SARDH: variants seen among roughly 807,000 people sequenced by gnomAD.
SARDH encodes the protein sarcosine dehydrogenase, mitochondrial.
A neutral mutation model predicts 109.1 loss-of-function variants in SARDH; 95 were observed. The observed-to-expected ratio is 0.87, with a 90% CI of 0.74 to 1.03. The LOEUF (loss-of-function observed/expected upper bound fraction) is 1.03. Ranked by LOEUF, SARDH falls within the 50% of genes least tolerant of loss-of-function variation. The pLI is 0.00. For missense variants in SARDH, 1,267 were observed against 1,287.8 expected (o/e 0.98, Z 0.25); for synonymous variants, 572 against 534.8 (o/e 1.07, Z -0.96).
At chr9:133,674,187 G>T (rs1433959363) in intron 17 of SARDH, among the ~76,000 whole-genome samples, 1 of 152,234 alleles carries the variant, frequency 6.6e-6, no homozygotes, top group Non-Finnish European at 1.5e-5. Context: ...GACCCACAAG[G>T]AAAGGGACAG....
Position 133,702,912 on chromosome 9 carries a change from G to A in SARDH, c.1668+4C>T. The A allele has an allele frequency of 3.1e-6, 5 of 1,610,010 alleles. No homozygotes were observed. Among genetic ancestry groups the A allele is most frequent in the Admixed American group, 1.7e-5 (1 of 60,006 alleles). ...GACCCCCACGGTGGACCCCAGCTAC[G>A]CACCGTGTCGTGGTGGGGCGGGAAG... On this transcript the variant is annotated splice_donor_region_variant and intron_variant, in intron 13 of 20. Transcript: ENST00000439388.
chr9:133,713,405 T>G (rs971199271), intron 8 of SARDH, among the ~76,000 whole-genome samples: 1 of 152,178 alleles, frequency 6.6e-6, no homozygotes, highest in African/African-American at 2.4e-5. Context: ...GCCGTTGTCC[T>G]GCCGACAAGG....
intron 13 of SARDH, 67 bp downstream of exon 13, chr9:133,702,849 C>G: frequency 6.9e-7 from 1 of 1,457,676 alleles, no homozygotes; most frequent in Non-Finnish European, 9.5e-7. Context: ...AGCCGAGGGC[C>G]GGCGCAATGG....
rs1191178313 is a variant in SARDH at position 133,685,358 on chromosome 9, G to T, written c.2070-72C>A. 2.4e-6 allele frequency: 3 copies of T among 1,242,044 alleles called. No homozygotes were observed. In the East Asian group the frequency reaches 7.3e-5, roughly 30 times the overall value. The allele number at this position is 1,242,044 out of a possible 1,614,324, so 76.9% of individuals were successfully genotyped here. On this transcript the variant is annotated intron_variant, in intron 16 of 20. Coordinates refer to ENST00000439388, the MANE Select transcript of SARDH (RefSeq NM_001134707.2). ...GGGCCTGGGCAGGAAAGGCCCCGGG[G>T]ACCTGCCATGAGTGGGATAAGTCCC...
intron 8 of SARDH, among the ~76,000 whole-genome samples, chr9:133,715,520 CT>C (rs1171247245): frequency 6.6e-6 from 1 of 152,188 alleles, no homozygotes; most frequent in Admixed American, 6.5e-5. Context: ...CTGCACTTCA[CT>C]CCAAAGGCTC....
chr9:133,682,841 G>A (rs1248939474), intron 17 of SARDH, among the ~76,000 whole-genome samples: 12 of 138,432 alleles, frequency 8.7e-5, no homozygotes, highest in Admixed American at 4.9e-4. Flanking sequence ...AAACCCACGC[G>A]CAGTGATGGT....
chr9:133,693,033 G>A lies in SARDH; in HGVS notation c.1921+1225C>T, dbSNP rs138661900. ...TGCCAGCCCCCAGCCCCGAAGACCC[G>A]CTGGGCAGTGAGGAGCGCTGTCTTC... On this transcript the variant is annotated intron_variant, in intron 15 of 20. Coordinates refer to ENST00000439388, the MANE Select transcript of SARDH (RefSeq NM_001134707.2). The surrounding 1 kb of genome is among the most constrained non-coding windows in gnomAD (Gnocchi z 5.6). Among the ~76,000 whole-genome samples, 1,388 of 151,976 alleles carry A rather than the reference G, an allele frequency of 9.1e-3. 15 individuals carry two copies. Among genetic ancestry groups the A allele is most frequent in the Non-Finnish European group, 0.015 (1,015 of 67,952 alleles).
intron 18 of SARDH, among the ~76,000 whole-genome samples, chr9:133,671,292 A>C (rs921361217): frequency 1.3e-5 from 2 of 152,034 alleles, no homozygotes; most frequent in African/African-American, 4.8e-5. Flanking sequence ...AGGTGTGTGT[A>C]GGTGTCGCAG....
In SARDH at chr9:133,666,960, T is replaced by A; in HGVS notation, c.2496-90A>T. On this transcript the variant is annotated intron_variant, in intron 19 of 20. Coordinates refer to ENST00000439388, the MANE Select transcript of SARDH (RefSeq NM_001134707.2). The surrounding 1 kb of genome is among the most constrained non-coding windows in gnomAD (Gnocchi z 5.2). ...GCCTGGAGGAGAATGGGGGGCTGCA[T>A]GATGCACACCCAACCGTGGCTCCAG... The A allele has an allele frequency of 6.5e-7, 1 of 1,537,250 alleles. No homozygotes were observed. Among genetic ancestry groups the A allele is most frequent in the East Asian group, 2.3e-5 (1 of 42,760 alleles).
intron 19 of SARDH, among the ~76,000 whole-genome samples, chr9:133,667,353 AT>A (rs1205997002): frequency 6.6e-6 from 1 of 151,576 alleles, no homozygotes; most frequent in Non-Finnish European, 1.5e-5. Flanking sequence ...TTTAATAGAG[AT>A]GGGGTTTCAT....
Position 133,731,377 on chromosome 9 carries a change from C to A in SARDH, c.618G>T (p.Pro206=), listed in dbSNP as rs371726703. The A allele has an allele frequency of 1.8e-5, 29 of 1,614,162 alleles. No homozygotes were observed. In the East Asian group the frequency reaches 4.9e-4, roughly 27 times the overall value. Residue 206 remains proline, a synonymous_variant, in exon 4 of 21, where the codon CCG becomes CCT. Coordinates refer to ENST00000439388, the MANE Select transcript of SARDH (RefSeq NM_001134707.2). The part of the protein sequence containing the change: ...VDDLYGTLYV[P]HDGTMDPAGT... ...CAGCGGGGTCCATGGTACCGTCGTGCGGCACATACAGGGTCCCGTAGAGGT... is the reference window on the plus strand; with the variant it reads ...CAGCGGGGTCCATGGTACCGTCGTGAGGCACATACAGGGTCCCGTAGAGGT...
chr9:133,694,507 T>C (rs1831215762), intron 14 of SARDH, 136 bp from the exon 15 acceptor site: 1 of 752,900 alleles, frequency 1.3e-6, no homozygotes, highest in East Asian at 2.7e-5. Flanking sequence ...GATGCCCTAC[T>C]GGGAGGTGAC....
rs149951218 is a variant in SARDH, at chr9:133,708,718, A to C, written c.1329-290T>G. 2.7e-3 allele frequency among the ~76,000 whole-genome samples: 404 copies of C among 152,162 alleles called. 2 individuals carry two copies. The highest frequency in any genetic ancestry group is 9.4e-3 in the African/African-American group (389 of 41,506). The stretch of plus-strand genomic sequence containing the variant: ...ACATGGGACTCCAGCCTCGCTCTCC[A>C]CACATTGCTGTCTGCTGCCTAGGTT... On this transcript the variant is annotated intron_variant, in intron 10 of 20. Coordinates refer to ENST00000439388, the MANE Select transcript of SARDH (RefSeq NM_001134707.2).
At chr9:133,695,695 C>G (rs1831260113) in intron 14 of SARDH, among the ~76,000 whole-genome samples, 1 of 115,838 alleles carries the variant, frequency 8.6e-6, no homozygotes, top group Admixed American at 1.4e-4. Flanking sequence ...TCTGGCAGCC[C>G]AGAACACTCA....
Position 133,685,267 on chromosome 9 carries a change from C to A in SARDH, c.2089G>T (p.Val697Leu), listed in dbSNP as rs1302769972. The A allele has an allele frequency of 6.2e-7, 1 of 1,613,980 alleles. No homozygotes were observed. The highest frequency in any genetic ancestry group is 2.2e-5 in the East Asian group (1 of 44,870). ...TCGTTGCTCAGGTCTGCGTCCAGCACCTCCTGCAAAATGGCTCGGCTGCAG... is the reference window on the plus strand; with the variant it reads ...TCGTTGCTCAGGTCTGCGTCCAGCAACTCCTGCAAAATGGCTCGGCTGCAG... ...GPASRAILQE[V>L]LDADLSNEAF... is the part of the protein sequence containing the mutation. The change falls in exon 17 of 21, where the codon GTG (valine) becomes TTG (leucine). Residue 697 changes from valine to leucine, a missense_variant. By Grantham distance (32) the Val-to-Leu change is conservative. Transcript: ENST00000439388.
At position 133,731,419 on chromosome 9, in the gene SARDH, C is replaced by G. The variant is rs1452412722; in HGVS notation, c.576G>C (p.Pro192=). 1 of 1,614,074 alleles carries G rather than the reference C, an allele frequency of 6.2e-7. No individual in the cohort carries two copies. The highest frequency in any genetic ancestry group is 8.5e-7 in the Non-Finnish European group (1 of 1,180,036). The change falls in exon 4 of 21, where the codon CCG becomes CCC. Residue 192 remains proline, a synonymous_variant. Coordinates refer to ENST00000439388, the MANE Select transcript of SARDH (RefSeq NM_001134707.2). ...CGTAGAGGTCGTCCACATTCATCAG[C>G]GGGTACAGAGTCTTGGTCTCTGCCG... is the stretch of plus-strand genomic sequence containing the variant. ...LSPAETKTLY[P]LMNVDDLYGT... is the part of the protein sequence containing the mutation.
In SARDH at chr9:133,732,592, C is replaced by T; in HGVS notation, c.341G>A (p.Trp114Ter). 4 of 1,607,258 alleles carry T rather than the reference C, an allele frequency of 2.5e-6. No homozygotes were observed. Among genetic ancestry groups the T allele is most frequent in the Non-Finnish European group, 3.4e-6 (4 of 1,176,346 alleles). ...GTTWHTAGLLWQLRPSDVEVE... is the reference protein window; with the variant it reads ...GTTWHTAGLL ...CTCCACGTCACTGGGCCGCAGCTGC[C>T]ACAGCAGGCCTGCCCGGGAGGGTGG... Residue 114 changes from tryptophan to a stop codon, truncating the protein, a stop_gained, in exon 3 of 21, where the codon TGG becomes TAG. Coordinates refer to ENST00000439388, the MANE Select transcript of SARDH (RefSeq NM_001134707.2). LOFTEE classifies it high-confidence loss of function.
chr9:133,710,903 C>T (rs1831894402), intron 10 of SARDH, among the ~76,000 whole-genome samples: 2 of 152,220 alleles, frequency 1.3e-5, no homozygotes, highest in South Asian at 4.1e-4. Context: ...GGCTGCTTGG[C>T]AGGGGTCTGG....
Position 133,709,028 on chromosome 9 carries a change from C to T in SARDH, c.1329-600G>A, listed in dbSNP as rs763126908. On this transcript the variant is annotated intron_variant, in intron 10 of 20. Coordinates refer to ENST00000439388, the MANE Select transcript of SARDH (RefSeq NM_001134707.2). This position sits in a 1 kb window ranked among gnomAD's most constrained non-coding sequence, Gnocchi z 4.2. ...CCTCGTCTGTGGGTCAGACCAGGGA[C>T]CCAAGAGGTACAGAGTCTCTGGGGG... Among the ~76,000 whole-genome samples the T allele has an allele frequency of 7.2e-5, 11 of 152,260 alleles. No homozygotes were observed. The South Asian group carries it at 1.7e-3, about 23-fold the overall frequency.
Sources: gnomAD v4.1 joint callset for allele counts (sites outside exome capture counted in the v4.1 genomes callset) on GRCh38, gnomAD v4.1.1 for gene constraint, Gnocchi (gnomAD v3.1) non-coding constraint, MANE v1.5 for transcripts, NCBI Gene and HGNC (gene_info 2026-07-23, HGNC 2026-07-21) for gene names.